Variants in NOSTRIN observed in about 807,000 individuals in gnomAD.
NOSTRIN encodes the protein nitric oxide synthase trafficking.
In NOSTRIN, 63 loss-of-function variants were observed where a neutral mutation model predicts 59.0. The observed-to-expected ratio is 1.07, with a 90% CI of 0.87 to 1.32. NOSTRIN has a LOEUF of 1.32. NOSTRIN is among the 40% of genes most tolerant of loss of function. The probability of loss-of-function intolerance (pLI) is 0.00; values close to 1 mark genes in which losing one functional copy is unlikely to be tolerated. For missense variants in NOSTRIN, 512 were observed against 473.1 expected, an observed-to-expected ratio of 1.08 and a Z score of -0.76; for synonymous variants, 200 against 165.4, an observed-to-expected ratio of 1.21 and a Z score of -1.61.
chr2:168,814,974 GAGA>G (rs547494871), intron 2 of NOSTRIN, among the ~76,000 whole-genome samples: 18 of 152,178 alleles, frequency 1.2e-4, no homozygotes, highest in Non-Finnish European at 2.6e-4. Flanking sequence ...TCTACATTAT[GAGA>G]AGAAGGCCTT....
intron 7 of NOSTRIN, 82 bp downstream of exon 7, chr2:168,834,407 G>T: frequency 1.4e-6 from 1 of 733,734 alleles, no homozygotes; most frequent in South Asian, 1.5e-5. Context: ...CAAGAGAACG[G>T]GTTGATTCCT....
At chr2:168,860,302 A>C (rs1689357457) in intron 13 of NOSTRIN, among the ~76,000 whole-genome samples, 1 of 152,238 alleles carries the variant, frequency 6.6e-6, no homozygotes, top group South Asian at 2.1e-4. Context: ...GTAATTGTGA[A>C]AATATTAAGG....
upstream of NOSTRIN, among the ~76,000 whole-genome samples, chr2:168,798,805 C>CGATAGATAGATA (rs1685547531): frequency 1.8e-5 from 1 of 54,066 alleles, no homozygotes. Flanking sequence ...TTCGATCGAT[C>CGATAGATAGATA]GATCGATCGA....
chr2:168,813,044 A>G lies in NOSTRIN; in HGVS notation c.113+1392A>G, dbSNP rs529671690. Reference sequence around the variant, plus strand: ...TTAAATATGAAGTAACTTCTATCCTAACAGCCAAATTGCTCTGGTTCCATG... The same window carrying G: ...TTAAATATGAAGTAACTTCTATCCTGACAGCCAAATTGCTCTGGTTCCATG... On this transcript the variant is annotated intron_variant, in intron 2 of 15. Coordinates refer to ENST00000317647, the MANE Select transcript of NOSTRIN (RefSeq NM_001039724.4). Among the ~76,000 whole-genome samples the G allele has an allele frequency of 4.6e-5, 7 of 152,338 alleles. No individual in the cohort carries two copies. In the South Asian group the frequency reaches 1.5e-3, roughly 32 times the overall value.
intron 15 of NOSTRIN, 148 bp from the exon 16 acceptor site, chr2:168,864,686 C>A: frequency 1.3e-6 from 1 of 760,050 alleles, no homozygotes; most frequent in Non-Finnish European, 2.1e-6. Flanking sequence ...CACAGGTGTT[C>A]GATACATTTG....
upstream of NOSTRIN, among the ~76,000 whole-genome samples, chr2:168,796,032 T>C (rs1244270557): frequency 6.6e-6 from 1 of 152,180 alleles, no homozygotes; most frequent in African/African-American, 2.4e-5. Flanking sequence ...GATATGGAAA[T>C]TAAGAAAACT....
At chr2:168,858,935 G>C (rs1689277202) in intron 12 of NOSTRIN, among the ~76,000 whole-genome samples, 1 of 152,236 alleles carries the variant, frequency 6.6e-6, no homozygotes, top group African/African-American at 2.4e-5. Flanking sequence ...ATCAAGAACA[G>C]ACAGAGACTA....
chr2:168,794,025 C>A (rs76247276), upstream of NOSTRIN, among the ~76,000 whole-genome samples: 11,414 of 152,228 alleles, frequency 0.075, 842 homozygotes, highest in East Asian at 0.42. Context: ...TCTTCATAAT[C>A]TGTCTATCAT....
At chr2:168,822,392 C>A (rs535152148) in intron 2 of NOSTRIN, among the ~76,000 whole-genome samples, 4 of 152,342 alleles carry the variant, frequency 2.6e-5, no homozygotes, top group African/African-American at 9.6e-5. Flanking sequence ...AATAGCCCAT[C>A]ATCTCTGAAT....
intron 2 of NOSTRIN, among the ~76,000 whole-genome samples, chr2:168,822,885 T>C (rs1471206041): frequency 1.3e-5 from 2 of 152,250 alleles, no homozygotes; most frequent in African/African-American, 4.8e-5. Context: ...ATTAGAAAGT[T>C]CTGCTTGGTT....
intron 8 of NOSTRIN, among the ~76,000 whole-genome samples, chr2:168,849,910 A>AT (rs1228286488): frequency 1.0e-4 from 5 of 48,406 alleles, no homozygotes; most frequent in Middle Eastern, 0.01. Flanking sequence ...AATAAGTAAC[A>AT]TTTTCTCATT....
Position 168,861,974 on chromosome 2 carries a change from C to G in NOSTRIN, c.1309C>G (p.Gln437Glu). 1 of 1,614,152 alleles carries G rather than the reference C, an allele frequency of 6.2e-7. No individual in the cohort carries two copies. Among genetic ancestry groups the G allele is most frequent in the Non-Finnish European group, 8.5e-7 (1 of 1,179,992 alleles). ...GSSTPAPGAA[Q>E]LSSRLCKALY... The stretch of plus-strand genomic sequence containing the variant: ...ATCTATTTCAGCCCCTGGTGCAGCC[C>G]AGCTCAGCAGCAGACTTTGCAAGGC... Residue 437 changes from glutamine to glutamate, a missense_variant, in exon 15 of 16, where the codon CAG (glutamine) becomes GAG (glutamate). Transcript: ENST00000317647.
chr2:168,802,488 G>A (rs1685646157), upstream of NOSTRIN: 1 of 637,182 alleles, frequency 1.6e-6, no homozygotes, highest in Non-Finnish European at 2.9e-6. Flanking sequence ...CAAACGGGAT[G>A]AAAGTCCAGG....
intron 5 of NOSTRIN, among the ~76,000 whole-genome samples, chr2:168,829,682 C>T (rs1687260358): frequency 6.6e-6 from 1 of 152,102 alleles, no homozygotes; most frequent in African/African-American, 2.4e-5. Context: ...TAGTTAAGCA[C>T]TTTATACTCT....
At chr2:168,799,658 C>T (rs1180029249), upstream of NOSTRIN, among the ~76,000 whole-genome samples, 3 of 152,120 alleles carry the variant, frequency 2.0e-5, no homozygotes, top group Admixed American at 6.6e-5. Flanking sequence ...AGCCCTTATC[C>T]GTCTAGAGTC....
Position 168,855,319 on chromosome 2 carries a change from C to T in NOSTRIN, c.856-33C>T, listed in dbSNP as rs777707351. 9.2e-5 allele frequency: 105 copies of T among 1,142,756 alleles called. 2 individuals carry two copies. In the East Asian group the frequency reaches 2.5e-3, roughly 27 times the overall value. The allele number at this position is 1,142,756 out of a possible 1,614,324, so 70.8% of individuals were successfully genotyped here. Reference sequence around the variant, plus strand: ...AGGGAATAGCAACTCTTACTTCTTCCCCCTTGTTAGACATCCTTCTTTTTT... The same window carrying T: ...AGGGAATAGCAACTCTTACTTCTTCTCCCTTGTTAGACATCCTTCTTTTTT... On this transcript the variant is annotated intron_variant, in intron 10 of 15. Transcript: ENST00000317647.
chr2:168,847,771 T>C (rs1688518286), intron 8 of NOSTRIN, among the ~76,000 whole-genome samples: 2 of 152,196 alleles, frequency 1.3e-5, no homozygotes, highest in Non-Finnish European at 2.9e-5. Flanking sequence ...CTACCACCTA[T>C]TTTATATAAA....
chr2:168,860,693 C>G, intron 13 of NOSTRIN, 102 bp from the exon 14 acceptor site: 1 of 710,504 alleles, frequency 1.4e-6, no homozygotes. Flanking sequence ...AAAAAACAAA[C>G]AGAAAAAACA....
chr2:168,845,790 C>CTTCTTTTTT lies in NOSTRIN; in HGVS notation c.630+2675_630+2676insCTTTTTTTT, dbSNP rs36186706. Among the ~76,000 whole-genome samples the CTTCTTTTTT allele has an allele frequency of 3.8e-4, 54 of 140,638 alleles. 1 individual carries two copies. The highest frequency in any genetic ancestry group is 8.5e-4 in the African/African-American group (32 of 37,430). The allele number at this position is 140,638 out of a possible 152,430, so 92.3% of individuals were successfully genotyped here. On this transcript the variant is annotated intron_variant, in intron 8 of 15. Transcript: ENST00000317647. ...AGACCTAGTTTTAGTTTTTTTCTTC[C>CTTCTTTTTT]TTTTTTTTTTTTTTTTTGTTAGAAT...
Sources: allele counts gnomAD v4.1 joint callset (sites outside exome capture counted in the v4.1 genomes callset), GRCh38; gene constraint gnomAD v4.1.1; transcripts MANE v1.5; gene names NCBI Gene and HGNC (gene_info 2026-07-23, HGNC 2026-07-21).